DOCK1: variants seen among roughly 807,000 people sequenced by gnomAD.
The protein encoded by DOCK1 is dedicator of cytokinesis 1.
In DOCK1, 138 loss-of-function variants were observed where a neutral mutation model predicts 262.7. The observed-to-expected ratio is 0.53, with a 90% CI of 0.46 to 0.61. The LOEUF is 0.61. Ranked by LOEUF, DOCK1 falls within the 20% of genes least tolerant of loss-of-function variation. The pLI is 0.00. For missense variants in DOCK1, 1,908 were observed against 2,370.7 expected, an observed-to-expected ratio of 0.80 and a Z score of 4.05; for synonymous variants, 866 against 867.4, an observed-to-expected ratio of 1.00 and a Z score of 0.03.
intron 27 of DOCK1, among the ~76,000 whole-genome samples, chr10:127,199,813 C>T (rs1276952629): frequency 1.3e-5 from 2 of 152,212 alleles, no homozygotes; most frequent in African/African-American, 2.4e-5. Flanking sequence ...AGTGTGACCT[C>T]ATTTGTCTGA....
At chr10:127,141,173 C>T (rs1419524819) in intron 27 of DOCK1, among the ~76,000 whole-genome samples, 1 of 152,214 alleles carries the variant, frequency 6.6e-6, no homozygotes, top group African/African-American at 2.4e-5. Context: ...GACCACCTTC[C>T]CAAATGTTGC....
chr10:126,987,748 G>T (rs549046137), intron 5 of DOCK1, 131 bp downstream of exon 5: 38 of 881,704 alleles, frequency 4.3e-5, no homozygotes, highest in South Asian at 4.1e-4. Flanking sequence ...AGTTTTACTC[G>T]GAATTGGCAA....
intron 2 of DOCK1, among the ~76,000 whole-genome samples, chr10:126,974,932 G>A (rs573874836): frequency 1.3e-5 from 2 of 152,020 alleles, no homozygotes; most frequent in South Asian, 4.2e-4. Flanking sequence ...AAGAGGAATC[G>A]ACTGCCTATG....
intron 1 of DOCK1, among the ~76,000 whole-genome samples, chr10:126,959,432 A>G (rs1040008191): frequency 6.6e-6 from 1 of 152,238 alleles, no homozygotes; most frequent in Admixed American, 6.5e-5. Flanking sequence ...ATCACGATAT[A>G]TAGGGTTATA....
chr10:127,339,621 G>T (rs1184633224), intron 30 of DOCK1, among the ~76,000 whole-genome samples: 1 of 148,644 alleles, frequency 6.7e-6, no homozygotes, highest in Non-Finnish European at 1.5e-5. Context: ...GAGAGTGTGT[G>T]TGTTTGTGTG....
chr10:127,238,005 A>T (rs1418082394), intron 27 of DOCK1, among the ~76,000 whole-genome samples: 2 of 152,196 alleles, frequency 1.3e-5, no homozygotes, highest in Non-Finnish European at 2.9e-5. Context: ...TGCATGTGTA[A>T]ACTTTCTTTT....
intron 27 of DOCK1, 176 bp downstream of exon 27, chr10:127,127,940 C>CTT: frequency 2.3e-6 from 1 of 434,460 alleles, no homozygotes; most frequent in Non-Finnish European, 4.0e-6. Flanking sequence ...GTAAGCAAAC[C>CTT]AACTTTAAAG....
chr10:127,271,156 G>C (rs1433036134), intron 29 of DOCK1, among the ~76,000 whole-genome samples: 1 of 151,832 alleles, frequency 6.6e-6, no homozygotes, highest in African/African-American at 2.4e-5. Context: ...AGTGTTCTTT[G>C]TTGGATGACA....
At chr10:127,036,981 GAAAAAAA>G (rs11429952) in intron 18 of DOCK1, among the ~76,000 whole-genome samples, 1 of 128,036 alleles carries the variant, frequency 7.8e-6, no homozygotes, top group African/African-American at 2.9e-5. Context: ...CCATCTCAAG[GAAAAAAA>G]AAAAAAAAAG....
At chr10:127,098,888 C>T (rs1483849836) in intron 23 of DOCK1, among the ~76,000 whole-genome samples, 1 of 152,100 alleles carries the variant, frequency 6.6e-6, no homozygotes, top group Admixed American at 6.5e-5. Flanking sequence ...GTGAAGCAGC[C>T]AGACTCCACA....
intron 27 of DOCK1, among the ~76,000 whole-genome samples, chr10:127,142,529 C>G (rs1186353980): frequency 1.3e-5 from 2 of 152,178 alleles, no homozygotes; most frequent in Non-Finnish European, 2.9e-5. Flanking sequence ...TCTGAAGCAG[C>G]TGGAGCCAGG....
chr10:127,076,508 A>T (rs923913110), intron 23 of DOCK1, among the ~76,000 whole-genome samples: 1 of 152,158 alleles, frequency 6.6e-6, no homozygotes, highest in Admixed American at 6.5e-5. Flanking sequence ...CTCAAAAAAG[A>T]AAAGAAAATA....
intron 1 of DOCK1, among the ~76,000 whole-genome samples, chr10:126,937,910 A>G (rs2034663327): frequency 6.6e-6 from 1 of 152,200 alleles, no homozygotes; most frequent in Non-Finnish European, 1.5e-5. Flanking sequence ...GTCATATCCA[A>G]TAAATAATTG....
chr10:127,347,605 G>A (rs569040863), intron 31 of DOCK1, among the ~76,000 whole-genome samples: 1 of 151,952 alleles, frequency 6.6e-6, no homozygotes, highest in South Asian at 2.1e-4. Flanking sequence ...CTCGTGGTCT[G>A]GGAGTCAACC....
At chr10:126,909,474 T>A (rs1195774971) in intron 1 of DOCK1, among the ~76,000 whole-genome samples, 2 of 152,146 alleles carry the variant, frequency 1.3e-5, no homozygotes, top group African/African-American at 4.8e-5. Flanking sequence ...GGAAAACTAA[T>A]ACAGATGATG....
chr10:127,100,713 G>A lies in DOCK1; in HGVS notation c.2446-5518G>A, dbSNP rs1473873303. On this transcript the variant is annotated intron_variant, in intron 23 of 51. Transcript: ENST00000623213. This position sits in a 1 kb window ranked among gnomAD's most constrained non-coding sequence, Gnocchi z 5.5. Reference sequence around the variant, plus strand: ...GTGGAGAGGCAGGTGGCCACCCTGGGAGTGAGGGCCACGCGTGCCCCAGAG... The same window carrying A: ...GTGGAGAGGCAGGTGGCCACCCTGGAAGTGAGGGCCACGCGTGCCCCAGAG... Among the ~76,000 whole-genome samples, 1 of 152,036 alleles carries A rather than the reference G, an allele frequency of 6.6e-6. No individual in the cohort carries two copies. Among genetic ancestry groups the A allele is most frequent in the East Asian group, 1.9e-4 (1 of 5,162 alleles).
In DOCK1 at chr10:127,096,364, G is replaced by A. The variant is rs185717080; in HGVS notation, c.2446-9867G>A. 1.4e-4 allele frequency among the ~76,000 whole-genome samples: 21 copies of A among 152,166 alleles called. No homozygotes were observed. In the South Asian group the frequency reaches 3.5e-3, roughly 26 times the overall value. On this transcript the variant is annotated intron_variant, in intron 23 of 51. Coordinates refer to ENST00000623213, the MANE Select transcript of DOCK1 (RefSeq NM_001290223.2). ...CCCTATCAAGTTTATCTGTTTTTCC[G>A]GAGGCTGTTTGGCTCTTCCCCAAAT...
chr10:127,037,609 G>T, intron 18 of DOCK1, 110 bp from the exon 19 acceptor site: 1 of 874,868 alleles, frequency 1.1e-6, no homozygotes, highest in Non-Finnish European at 1.7e-6. Flanking sequence ...AAATAGGGTT[G>T]ATTTCTCTGT....
At chr10:127,027,690 T>C (rs777339300) in intron 16 of DOCK1, among the ~76,000 whole-genome samples, 2 of 152,156 alleles carry the variant, frequency 1.3e-5, no homozygotes, top group Non-Finnish European at 2.9e-5. Context: ...CTGCCTGGTA[T>C]GGATAGGGGC....
Sources: allele counts gnomAD v4.1 joint callset (sites outside exome capture counted in the v4.1 genomes callset), GRCh38; gene constraint gnomAD v4.1.1; non-coding constraint Gnocchi (gnomAD v3.1); transcripts MANE v1.5; gene names NCBI Gene and HGNC (gene_info 2026-07-23, HGNC 2026-07-21).